The following GRXCR2 variants were observed in gnomAD, a reference collection of about 807,000 sequenced individuals.
The protein encoded by GRXCR2 is glutaredoxin and cysteine rich domain containing 2.
Under a neutral mutation model 24.8 loss-of-function variants are expected in GRXCR2, and 23 were observed. That is an observed-to-expected ratio of 0.93 (90% CI 0.67 to 1.32). GRXCR2 has a LOEUF of 1.32. Among genes scored for constraint, GRXCR2 ranks in the 40% most tolerant of loss-of-function variants. GRXCR2 has a pLI of 0.00. For synonymous variants in GRXCR2, 130 were observed against 116.1 expected (o/e 1.12, Z -0.77); for missense variants, 315 against 303.4 (o/e 1.04, Z -0.28).
chr5:145,872,716 TC>T lies in GRXCR2; in HGVS notation c.252del (p.Ile85SerfsTer33), dbSNP rs1323499368. 1 of 1,613,832 alleles carries T rather than the reference TC, an allele frequency of 6.2e-7. No homozygotes were observed. The highest frequency in any genetic ancestry group is 1.3e-5 in the African/African-American group (1 of 74,896). Reference sequence around the variant, plus strand: ...GCATTACCCTCTCTAAACACACTGATCCTCTGAGCAGTCAGCTTAGGGGAGC... The same window carrying T: ...GCATTACCCTCTCTAAACACACTGATCTCTGAGCAGTCAGCTTAGGGGAGC... ...QMCSPKLTAQ[R>X]ISVFREGNAY... On this transcript the variant is annotated frameshift_variant, in exon 1 of 3. Coordinates refer to ENST00000377976, the MANE Select transcript of GRXCR2 (RefSeq NM_001080516.2). LOFTEE classifies it high-confidence loss of function.
intron 1 of GRXCR2, among the ~76,000 whole-genome samples, chr5:145,870,283 G>C (rs434591): frequency 0.08 from 12,220 of 151,980 alleles, 942 homozygotes; most frequent in African/African-American, 0.2. Flanking sequence ...CTTGCTGTCT[G>C]TATGATTTTG....
chr5:145,894,820 G>A (rs1209500488), intron 2 of GRXCR2, among the ~76,000 whole-genome samples: 1 of 151,938 alleles, frequency 6.6e-6, no homozygotes, highest in Non-Finnish European at 1.5e-5. Context: ...GCCTGGCAGA[G>A]ACCCAATTAA....
intron 2 of GRXCR2, among the ~76,000 whole-genome samples, chr5:145,904,197 C>T (rs972574978): frequency 1.3e-5 from 2 of 152,100 alleles, no homozygotes; most frequent in Admixed American, 6.5e-5. Context: ...CAATCCCACC[C>T]CAGGGCAGAC....
intron 1 of GRXCR2, among the ~76,000 whole-genome samples, chr5:145,870,297 A>G (rs10057946): frequency 0.19 from 29,369 of 151,602 alleles, 3,546 homozygotes; most frequent in East Asian, 0.6. Flanking sequence ...GATTTTGACT[A>G]CTCTAGGTAC....
chr5:145,910,270 G>C (rs13176357), intron 2 of GRXCR2, among the ~76,000 whole-genome samples: 23,536 of 152,022 alleles, frequency 0.15, 2,198 homozygotes, highest in Middle Eastern at 0.28. Flanking sequence ...AGTCATAAAC[G>C]ACAACCTCTG....
intron 2 of GRXCR2, among the ~76,000 whole-genome samples, chr5:145,884,468 T>A (rs1036302825): frequency 1.3e-5 from 2 of 152,168 alleles, no homozygotes; most frequent in Non-Finnish European, 2.9e-5. Context: ...GGCAAGATAA[T>A]GTTATGTAAT....
rs1024688775 is a variant in GRXCR2 at position 145,872,697 on chromosome 5, C to A, written c.272G>T (p.Gly91Val). 5 of 1,613,448 alleles carry A rather than the reference C, an allele frequency of 3.1e-6. No individual in the cohort carries two copies. Among genetic ancestry groups the A allele is most frequent in the Non-Finnish European group, 4.2e-6 (5 of 1,179,556 alleles). ...GCCGCCTGCCAAGGTGTAGGCATTA[C>A]CCTCTCTAAACACACTGATCCTCTG... Reference protein sequence around the residue: ...TAQRISVFREGNAYTLAGGQP... With the variant: ...TAQRISVFREVNAYTLAGGQP... Residue 91 changes from glycine to valine, a missense_variant, in exon 1 of 3, where the codon GGT becomes GTT. Physicochemically the swap from Gly to Val is moderately radical, Grantham distance 109. Transcript: ENST00000377976.
At chr5:145,929,789 CAA>C (rs1426398490) in intron 2 of GRXCR2, among the ~76,000 whole-genome samples, 1 of 152,078 alleles carries the variant, frequency 6.6e-6, no homozygotes. Flanking sequence ...TATTGACAAT[CAA>C]GAGGAAGAAA....
chr5:145,877,785 T>G (rs1291265212), upstream of GRXCR2, among the ~76,000 whole-genome samples: 1 of 152,178 alleles, frequency 6.6e-6, no homozygotes, highest in Admixed American at 6.5e-5. Context: ...GACAGACACC[T>G]CATATAGGTG....
At chr5:145,898,077 A>G (rs544264248) in intron 2 of GRXCR2, among the ~76,000 whole-genome samples, 1 of 152,202 alleles carries the variant, frequency 6.6e-6, no homozygotes, top group East Asian at 1.9e-4. Flanking sequence ...AGCTAGGTTG[A>G]CAGAGAGAAA....
chr5:145,904,481 C>T (rs1264367194), intron 2 of GRXCR2, among the ~76,000 whole-genome samples: 1 of 152,162 alleles, frequency 6.6e-6, no homozygotes, highest in Non-Finnish European at 1.5e-5. Context: ...CCTTCCTAAC[C>T]CACTGAGGAG....
At chr5:145,877,267 G>C (rs552349094), upstream of GRXCR2, among the ~76,000 whole-genome samples, 1 of 150,670 alleles carries the variant, frequency 6.6e-6, no homozygotes, top group Non-Finnish European at 1.5e-5. Context: ...TTTTTAAAAG[G>C]TTAACAAAAA....
intron 2 of GRXCR2, among the ~76,000 whole-genome samples, chr5:145,915,745 A>T (rs543706455): frequency 8.5e-6 from 1 of 117,622 alleles, no homozygotes. Context: ...AAAAAAAAAA[A>T]AGGAAGAAGA....
chr5:145,875,933 G>T (rs1047232770), upstream of GRXCR2, among the ~76,000 whole-genome samples: 6 of 152,082 alleles, frequency 3.9e-5, no homozygotes, highest in Non-Finnish European at 7.4e-5. Flanking sequence ...GGAGGCTGAG[G>T]CAGGAGGGTT....
At position 145,858,591 on chromosome 5, in the gene GRXCR2, G is replaced by A. The variant is rs1188375686; in HGVS notation, c.*1142C>T. 4 of 152,084 alleles carry A rather than the reference G, an allele frequency of 2.6e-5. No individual in the cohort carries two copies. The highest frequency in any genetic ancestry group is 4.1e-4 in the South Asian group (2 of 4,832). The allele number at this position is 152,084 out of a possible 1,614,324, so 9.4% of individuals were successfully genotyped here. On this transcript the variant is annotated 3_prime_UTR_variant, in exon 3 of 3. Transcript: ENST00000377976. The stretch of plus-strand genomic sequence containing the variant: ...ATTCCATTGTTAAATTATGTTAAAC[G>A]CTGAATATTAGAGAATAACAAACAA...
intron 2 of GRXCR2, among the ~76,000 whole-genome samples, chr5:145,878,540 G>A (rs1581337244): frequency 2.0e-5 from 3 of 152,108 alleles, no homozygotes; most frequent in Admixed American, 6.5e-5. Context: ...AGAAATATGG[G>A]ACTATGTGAA....
At chr5:145,925,928 G>A (rs2149930037) in intron 2 of GRXCR2, among the ~76,000 whole-genome samples, 1 of 152,034 alleles carries the variant, frequency 6.6e-6, no homozygotes, top group East Asian at 1.9e-4. Flanking sequence ...GAGCACTTGG[G>A]GAATTACTGA....
At chr5:145,885,139 C>CTGTG (rs1479612839) in intron 2 of GRXCR2, among the ~76,000 whole-genome samples, 1 of 150,178 alleles carries the variant, frequency 6.7e-6, no homozygotes, top group East Asian at 1.9e-4. Flanking sequence ...GTCTGTCTGT[C>CTGTG]TGTGTGTATT....
chr5:145,891,172 T>G (rs1358408681), intron 2 of GRXCR2, among the ~76,000 whole-genome samples: 3 of 152,084 alleles, frequency 2.0e-5, no homozygotes, highest in Non-Finnish European at 2.9e-5. Flanking sequence ...CATGGCCGAA[T>G]AGGAACAGCT....
Sources: allele counts gnomAD v4.1 joint callset (sites outside exome capture counted in the v4.1 genomes callset), GRCh38; gene constraint gnomAD v4.1.1; transcripts MANE v1.5; gene names NCBI Gene and HGNC (gene_info 2026-07-23, HGNC 2026-07-21).